STK24: variants seen among roughly 807,000 people sequenced by gnomAD.
STK24 encodes the protein serine/threonine kinase 24.
Under a neutral mutation model 55.6 loss-of-function variants are expected in STK24, and 21 were observed. That is an observed-to-expected ratio of 0.38 (90% confidence interval 0.27 to 0.54). STK24 has a LOEUF of 0.54. STK24 is among the 20% of genes least tolerant of loss of function. The pLI is 0.79. For missense variants in STK24, 383 were observed against 538.4 expected (o/e 0.71, Z 2.86); for synonymous variants, 200 against 215.2 (o/e 0.93, Z 0.62).
At chr13:98,549,242 C>A (rs1394862475) in intron 1 of STK24, among the ~76,000 whole-genome samples, 1 of 152,224 alleles carries the variant, frequency 6.6e-6, no homozygotes, top group Non-Finnish European at 1.5e-5. Context: ...TAAACAACAT[C>A]GATTCATTGC....
At chr13:98,489,982 G>A (rs1047471959) in intron 2 of STK24, among the ~76,000 whole-genome samples, 5 of 152,168 alleles carry the variant, frequency 3.3e-5, no homozygotes, top group Non-Finnish European at 5.9e-5. Context: ...GGCCCAAAAC[G>A]GTTCTAGAAG....
At chr13:98,461,070 G>C (rs1332896481) in intron 8 of STK24, among the ~76,000 whole-genome samples, 25 of 151,270 alleles carry the variant, frequency 1.7e-4, no homozygotes, top group African/African-American at 5.4e-4. Flanking sequence ...GAGAGAGAGA[G>C]AGAGAGAAAA....
intron 2 of STK24, among the ~76,000 whole-genome samples, chr13:98,485,793 T>C (rs1594600911): frequency 6.6e-6 from 1 of 152,094 alleles, no homozygotes; most frequent in Non-Finnish European, 1.5e-5. Context: ...TTGCAAGCAT[T>C]CCAGCCGCTG....
chr13:98,522,057 C>T (rs2139386935), intron 1 of STK24: 2 of 1,391,310 alleles, frequency 1.4e-6, no homozygotes, highest in Middle Eastern at 2.1e-4. Flanking sequence ...CTGGACCTGC[C>T]CGGTCCTCCC....
chr13:98,467,906 C>T (rs1373016212), intron 5 of STK24, among the ~76,000 whole-genome samples: 3 of 152,122 alleles, frequency 2.0e-5, no homozygotes, highest in Non-Finnish European at 2.9e-5. Context: ...TATGGGCTGG[C>T]GAAAGACGAA....
chr13:98,516,675 G>C (rs1473805799), intron 2 of STK24, among the ~76,000 whole-genome samples: 1 of 151,458 alleles, frequency 6.6e-6, no homozygotes, highest in Middle Eastern at 3.2e-3. Context: ...ACTTATGGCA[G>C]CTGAGCACAG....
chr13:98,556,887 C>A (rs1358925681), intron 1 of STK24, among the ~76,000 whole-genome samples: 2 of 152,216 alleles, frequency 1.3e-5, no homozygotes, highest in Admixed American at 1.3e-4. Flanking sequence ...ATGTGGAGCT[C>A]AGACACATGA....
At position 98,467,632 on chromosome 13, in the gene STK24, G is replaced by A. The variant is rs572125275; in HGVS notation, c.598-1071C>T. On this transcript the variant is annotated intron_variant, in intron 5 of 10. Coordinates refer to ENST00000539966, the MANE Select transcript of STK24 (RefSeq NM_001032296.4). ...CTCTCTAGTGTCTGCATTTTCTGCC[G>A]AATGTCCCAGAGGAGACATCTGCAG... Among the ~76,000 whole-genome samples the A allele has an allele frequency of 1.6e-3, 237 of 152,194 alleles. 3 individuals are homozygous for A. The South Asian group carries it at 0.016, about 10-fold the overall frequency.
chr13:98,576,120 G>A (rs1213852508), intron 1 of STK24: 9 of 985,116 alleles, frequency 9.1e-6, no homozygotes, highest in African/African-American at 8.7e-5. Context: ...CCTCCTTCCA[G>A]AAGGTTTGCA....
chr13:98,575,402 TATATAC>T (rs71213681), intron 1 of STK24, among the ~76,000 whole-genome samples: 1,298 of 98,638 alleles, frequency 0.013, 14 homozygotes, highest in Non-Finnish European at 0.023. Flanking sequence ...ATACTGCTTA[TATATAC>T]ACACACACAC....
At chr13:98,523,807 T>C (rs564370670) in intron 1 of STK24, among the ~76,000 whole-genome samples, 1 of 152,328 alleles carries the variant, frequency 6.6e-6, no homozygotes, top group East Asian at 1.9e-4. Flanking sequence ...TTGGTTGGCT[T>C]GCTACTCAAC....
At chr13:98,509,964 T>C (rs1397537020) in intron 2 of STK24, among the ~76,000 whole-genome samples, 3 of 152,244 alleles carry the variant, frequency 2.0e-5, no homozygotes, top group South Asian at 4.1e-4. Flanking sequence ...GACCACGACA[T>C]ATTATATGTA....
chr13:98,558,766 G>C (rs1383128961), intron 1 of STK24, among the ~76,000 whole-genome samples: 1 of 152,014 alleles, frequency 6.6e-6, no homozygotes, highest in Admixed American at 6.6e-5. Context: ...AATGTATTTG[G>C]GAACAGTCCA....
chr13:98,448,266 C>G lies in STK24; in HGVS notation c.*4907G>C. 2 of 1,614,130 alleles carry G rather than the reference C, an allele frequency of 1.2e-6. No individual in the cohort carries two copies. The highest frequency in any genetic ancestry group is 1.7e-6 in the Non-Finnish European group (2 of 1,179,954). On this transcript the variant is annotated 3_prime_UTR_variant, in exon 11 of 11. Transcript: ENST00000539966. Reference sequence around the variant, plus strand: ...TGGAAGTGATCCGCAGTGCCACCAGCTCTGCCTCGCGACCCCACGTGTTGA... The same window carrying G: ...TGGAAGTGATCCGCAGTGCCACCAGGTCTGCCTCGCGACCCCACGTGTTGA...
At chr13:98,545,549 G>T (rs1269609679) in intron 1 of STK24, among the ~76,000 whole-genome samples, 1 of 151,440 alleles carries the variant, frequency 6.6e-6, no homozygotes, top group Non-Finnish European at 1.5e-5. Flanking sequence ...CAGGAGAATG[G>T]CGTGAACCCG....
In STK24 at chr13:98,445,859, G is replaced by GTCTA. The variant is rs150224659; in HGVS notation, c.*7313_*7314insTAGA. 4.0e-6 allele frequency: 2 copies of GTCTA among 494,054 alleles called. No individual in the cohort carries two copies. The highest frequency in any genetic ancestry group is 3.6e-5 in the Admixed American group (1 of 27,422). 30.6% of individuals were successfully genotyped at this position (494,054 alleles called of 1,614,324 possible). A position where few individuals can be genotyped will look rare whatever the true frequency, so the allele number is the denominator to read the frequency against. On this transcript the variant is annotated 3_prime_UTR_variant, in exon 11 of 11. Transcript: ENST00000539966. ...GTACTGGTAGTCAGGACCTCAACGT[G>GTCTA]TCTTTTGGGGGGACACAGGGACCCC...
rs893459871 is a variant in STK24, at chr13:98,451,600, G to A, written c.*1573C>T. 2.0e-5 allele frequency: 3 copies of A among 152,094 alleles called. No individual in the cohort carries two copies. The highest frequency in any genetic ancestry group is 7.2e-5 in the African/African-American group (3 of 41,392). 9.4% of individuals were successfully genotyped at this position (152,094 alleles called of 1,614,324 possible). ...CTCTGTCCCCTCCCTATAGCTTAGA[G>A]GCCACTAGACCAGCAGATAGCTGAG... On this transcript the variant is annotated 3_prime_UTR_variant, in exon 11 of 11. Coordinates refer to ENST00000539966, the MANE Select transcript of STK24 (RefSeq NM_001032296.4).
chr13:98,567,459 A>G (rs1897616070), intron 1 of STK24, among the ~76,000 whole-genome samples: 1 of 152,202 alleles, frequency 6.6e-6, no homozygotes, highest in African/African-American at 2.4e-5. Flanking sequence ...GTTTCTCCAG[A>G]GAGATCCTAT....
chr13:98,557,733 G>C lies in STK24; in HGVS notation c.42+19012C>G, dbSNP rs566648163. 1.1e-3 allele frequency among the ~76,000 whole-genome samples: 174 copies of C among 152,338 alleles called. 3 individuals are homozygous for C. The South Asian group carries it at 0.016, about 14-fold the overall frequency. On this transcript the variant is annotated intron_variant, in intron 1 of 10. Transcript: ENST00000539966. ...ATGGTCCCATGGGTGATAATGACAAGGTAGTCTGGGAGCACTTATTTTAGG... is the reference window on the plus strand; with the variant it reads ...ATGGTCCCATGGGTGATAATGACAACGTAGTCTGGGAGCACTTATTTTAGG...
Sources: allele counts gnomAD v4.1 joint callset (sites outside exome capture counted in the v4.1 genomes callset), GRCh38; gene constraint gnomAD v4.1.1; transcripts MANE v1.5; gene names NCBI Gene and HGNC (gene_info 2026-07-23, HGNC 2026-07-21).